DSCAM: variants seen among roughly 807,000 people sequenced by gnomAD.
The protein encoded by DSCAM is DS cell adhesion molecule.
Under a neutral mutation model 217.7 loss-of-function variants are expected in DSCAM, and 47 were observed. The observed-to-expected ratio is 0.22, with a 90% CI of 0.17 to 0.28. The LOEUF (loss-of-function observed/expected upper bound fraction) is 0.28, where lower values mean the gene tolerates loss of function less well. Ranked by LOEUF, DSCAM falls within the 10% of genes least tolerant of loss-of-function variation. The pLI is 1.00. For synonymous variants in DSCAM, 1,056 were observed against 1,015.3 expected (o/e 1.04, Z -0.76); for missense variants, 2,080 against 2,618.3 (o/e 0.79, Z 4.49).
intron 3 of DSCAM, among the ~76,000 whole-genome samples, chr21:40,378,554 A>ATTTTTTTTTTTTTTTTT (rs71186931): frequency 1.3e-5 from 1 of 75,648 alleles, no homozygotes; most frequent in African/African-American, 5.1e-5. Context: ...ATGAAAACTT[A>ATTTTTTTTTTTTTTTTT]TTTTTTTTTT....
At chr21:40,141,700 A>AG (rs1349001898) in intron 18 of DSCAM, among the ~76,000 whole-genome samples, 2 of 151,998 alleles carry the variant, frequency 1.3e-5, no homozygotes, top group African/African-American at 4.8e-5. Flanking sequence ...AATGGAGGGC[A>AG]GGGGAGGAGG....
Position 40,098,383 on chromosome 21 carries a change from AAGT to A in DSCAM, c.3697-4512_3697-4510del, listed in dbSNP as rs571620764. Among the ~76,000 whole-genome samples, 115 of 152,308 alleles carry A rather than the reference AAGT, an allele frequency of 7.6e-4. 1 individual carries two copies. The highest frequency in any genetic ancestry group is 2.6e-3 in the African/African-American group (109 of 41,562). ...GAATTGTTCCTTAAAAAGCCATGTG[AAGT>A]AGGTGGAGCTGGATCCATTTTATAG... On this transcript the variant is annotated intron_variant, in intron 20 of 32. Transcript: ENST00000400454.
At chr21:40,047,613 G>T (rs553190138) in intron 30 of DSCAM, among the ~76,000 whole-genome samples, 1 of 152,148 alleles carries the variant, frequency 6.6e-6, no homozygotes, top group African/African-American at 2.4e-5. Flanking sequence ...CATGTCATGC[G>T]TACTGTGATC....
intron 3 of DSCAM, among the ~76,000 whole-genome samples, chr21:40,440,069 T>TG (rs35280855): frequency 1 from 152,295 of 152,300 alleles, 76,145 homozygotes; most frequent in Middle Eastern, 1. Flanking sequence ...TAAAGCAACC[T>TG]GGGTCTTCTG....
At chr21:40,714,682 C>G (rs1483085202) in intron 1 of DSCAM, among the ~76,000 whole-genome samples, 5 of 152,150 alleles carry the variant, frequency 3.3e-5, no homozygotes, top group African/African-American at 1.2e-4. Flanking sequence ...ATGAATCATG[C>G]CTGAGTCTCA....
At chr21:40,366,417 A>C (rs2074833265) in intron 4 of DSCAM, among the ~76,000 whole-genome samples, 1 of 151,860 alleles carries the variant, frequency 6.6e-6, no homozygotes, top group Non-Finnish European at 1.5e-5. Context: ...ATTTCATTTT[A>C]ATTTTAGAAC....
In DSCAM at chr21:40,353,506, C is replaced by T. The variant is rs770630471; in HGVS notation, c.893G>A (p.Arg298Lys). 4.3e-6 allele frequency: 7 copies of T among 1,612,092 alleles called. No individual in the cohort carries two copies. In the South Asian group the frequency reaches 7.7e-5, roughly 18 times the overall value. The change falls in exon 5 of 33, where the codon AGA becomes AAA. Residue 298 changes from arginine (R) to lysine (K), a missense_variant. By Grantham distance (26) the Arg-to-Lys change is conservative (BLOSUM62 2). Transcript: ENST00000400454. The stretch of plus-strand genomic sequence containing the variant: ...GCCTATCACCTTAGCAGTTCCGTAT[C>T]TGTTGGACACTTCACAAACATAGCT... ...SGSYVCEVSN[R>K]YGTAKVIGRL... is the part of the protein sequence containing the mutation.
At chr21:40,316,487 GA>G (rs1569059554) in intron 8 of DSCAM, among the ~76,000 whole-genome samples, 1 of 152,130 alleles carries the variant, frequency 6.6e-6, no homozygotes, top group Non-Finnish European at 1.5e-5. Context: ...CCAGTGATTA[GA>G]AAACTCTTCT....
intron 1 of DSCAM, among the ~76,000 whole-genome samples, chr21:40,726,647 C>A (rs901009331): frequency 6.6e-6 from 1 of 152,138 alleles, no homozygotes; most frequent in Non-Finnish European, 1.5e-5. Context: ...CCCAAACCAA[C>A]CCTATGCGGA....
intron 1 of DSCAM, among the ~76,000 whole-genome samples, chr21:40,807,912 A>G (rs536625116): frequency 6.6e-6 from 1 of 152,286 alleles, no homozygotes; most frequent in African/African-American, 2.4e-5. Context: ...TTTTAGCTCC[A>G]TGTTCACTGT....
chr21:40,490,642 A>G (rs2076069349), intron 3 of DSCAM, among the ~76,000 whole-genome samples: 1 of 152,204 alleles, frequency 6.6e-6, no homozygotes, highest in Non-Finnish European at 1.5e-5. Flanking sequence ...GGTTGTCTAG[A>G]GCCATTTGGC....
At chr21:40,111,808 A>G (rs2089902731) in intron 20 of DSCAM, among the ~76,000 whole-genome samples, 1 of 151,998 alleles carries the variant, frequency 6.6e-6, no homozygotes, top group Non-Finnish European at 1.5e-5. Flanking sequence ...AAAGATCAAA[A>G]GAGACAAAGA....
At chr21:40,348,041 C>G in intron 5 of DSCAM, 96 bp from the exon 6 acceptor site, 2 of 1,330,364 alleles carry the variant, frequency 1.5e-6, no homozygotes, top group Non-Finnish European at 2.0e-6. Flanking sequence ...AAGTGCATCA[C>G]GCAATCATAC....
intron 3 of DSCAM, among the ~76,000 whole-genome samples, chr21:40,509,899 C>G (rs1430818091): frequency 6.6e-6 from 1 of 152,080 alleles, no homozygotes; most frequent in African/African-American, 2.4e-5. Context: ...CCGAGGCAGG[C>G]GGATCACGAG....
At chr21:40,746,809 T>C (rs568258089) in intron 1 of DSCAM, among the ~76,000 whole-genome samples, 4 of 152,014 alleles carry the variant, frequency 2.6e-5, no homozygotes, top group Non-Finnish European at 5.9e-5. Flanking sequence ...CAGGATAGAT[T>C]ATGAAAGTCA....
At chr21:40,793,187 C>T (rs998205200) in intron 1 of DSCAM, among the ~76,000 whole-genome samples, 2 of 152,118 alleles carry the variant, frequency 1.3e-5, no homozygotes, top group Admixed American at 6.5e-5. Flanking sequence ...ACTCTTAGTC[C>T]TTCAGCTGCT....
chr21:40,066,068 G>A (rs1367190137), intron 27 of DSCAM, among the ~76,000 whole-genome samples: 1 of 152,194 alleles, frequency 6.6e-6, no homozygotes, highest in Non-Finnish European at 1.5e-5. Flanking sequence ...AACTTGCTCC[G>A]TGTACCCTCC....
At chr21:40,015,614 T>G (rs552547521) in intron 32 of DSCAM, among the ~76,000 whole-genome samples, 1 of 152,176 alleles carries the variant, frequency 6.6e-6, no homozygotes, top group South Asian at 2.1e-4. Flanking sequence ...TCTTAAAATA[T>G]TCTGGAGACA....
At chr21:40,696,867 G>A (rs557469214) in intron 2 of DSCAM, among the ~76,000 whole-genome samples, 29 of 152,194 alleles carry the variant, frequency 1.9e-4, no homozygotes, top group Admixed American at 1.2e-3. Context: ...TAAAATCAGG[G>A]TAATTGGAAT....
Sources: gnomAD v4.1 joint callset for allele counts (sites outside exome capture counted in the v4.1 genomes callset) on GRCh38, gnomAD v4.1.1 for gene constraint, MANE v1.5 for transcripts, NCBI Gene and HGNC (gene_info 2026-07-23, HGNC 2026-07-21) for gene names.